ACAP2: variants seen among roughly 807,000 people sequenced by gnomAD.
The protein encoded by ACAP2 is arf-GAP with coiled-coil, ANK repeat and PH domain-containing protein 2.
In ACAP2, 39 loss-of-function variants were observed where a neutral mutation model predicts 115.8. That is an observed-to-expected ratio of 0.34 (90% CI 0.26 to 0.44). The LOEUF (loss-of-function observed/expected upper bound fraction) is 0.44. Ranked by LOEUF, ACAP2 falls within the 20% of genes least tolerant of loss-of-function variation. ACAP2 has a pLI of 1.00. For synonymous variants in ACAP2, 289 were observed against 315.8 expected, an observed-to-expected ratio of 0.92 and a Z score of 0.90; for missense variants, 662 against 927.6, an observed-to-expected ratio of 0.71 and a Z score of 3.72.
In ACAP2 at chr3:195,377,892, G is replaced by T. The variant is rs556644068; in HGVS notation, c.285+3117C>A. 1.1e-4 allele frequency among the ~76,000 whole-genome samples: 17 copies of T among 152,280 alleles called. No homozygotes were observed. In the South Asian group the frequency reaches 2.5e-3, roughly 22 times the overall value. On this transcript the variant is annotated intron_variant, in intron 4 of 22. Transcript: ENST00000326793. ...GTTCTTCATGTATAGAAACATGTAC[G>T]TAAACACAAACAAGCTGACCAACAT...
intron 20 of ACAP2, among the ~76,000 whole-genome samples, chr3:195,290,339 C>G (rs1560204570): frequency 2.6e-5 from 4 of 151,868 alleles, no homozygotes; most frequent in Admixed American, 2.6e-4. Context: ...TGAACAGTCA[C>G]CACACTCCAA....
intron 1 of ACAP2, among the ~76,000 whole-genome samples, chr3:195,439,931 A>G (rs1271665571): frequency 6.6e-6 from 1 of 152,164 alleles, no homozygotes; most frequent in Non-Finnish European, 1.5e-5. Context: ...TCAGCCCAAG[A>G]GTATGTTTAA....
At position 195,275,921 on chromosome 3, in the gene ACAP2, T is replaced by A. The variant is rs753189836; in HGVS notation, c.*3407A>T. ...AAAAGGGTAGTGACGACTAGTCCAG[T>A]GCTCCTTCCACCGTATCATGCGGTT... is the stretch of plus-strand genomic sequence containing the variant. On this transcript the variant is annotated 3_prime_UTR_variant, in exon 23 of 23. Transcript: ENST00000326793. The A allele has an allele frequency of 1.3e-5, 2 of 152,592 alleles. No homozygotes were observed. Among genetic ancestry groups the A allele is most frequent in the Non-Finnish European group, 2.9e-5 (2 of 68,022 alleles). The allele number at this position is 152,592 out of a possible 1,614,324, so 9.5% of individuals were successfully genotyped here.
At chr3:195,295,506 A>T (rs1352055627) in intron 17 of ACAP2, 1 of 651,032 alleles carries the variant, frequency 1.5e-6, no homozygotes, top group Non-Finnish European at 2.6e-6. Context: ...GAATATACAC[A>T]TTACCTAGAA....
At chr3:195,423,781 C>T (rs1420797779) in intron 1 of ACAP2, among the ~76,000 whole-genome samples, 1 of 151,942 alleles carries the variant, frequency 6.6e-6, no homozygotes, top group East Asian at 1.9e-4. Context: ...TTTATTTACA[C>T]ACACTGAAAT....
At chr3:195,351,399 G>T (rs913141562) in intron 4 of ACAP2, among the ~76,000 whole-genome samples, 1 of 151,726 alleles carries the variant, frequency 6.6e-6, no homozygotes, top group African/African-American at 2.4e-5. Flanking sequence ...TTACAGGCGT[G>T]AGTCACCACG....
intron 1 of ACAP2, among the ~76,000 whole-genome samples, chr3:195,424,244 G>GTGTGTGT (rs1553872445): frequency 0.045 from 2,996 of 67,218 alleles, 155 homozygotes; most frequent in East Asian, 0.18. Context: ...GTGTGTGTGT[G>GTGTGTGT]GTGTGTGTGT....
At position 195,339,080 on chromosome 3, in the gene ACAP2, A is replaced by G. The variant is rs531363325; in HGVS notation, c.529-2104T>C. On this transcript the variant is annotated intron_variant, in intron 6 of 22. Transcript: ENST00000326793. ...ACCCCATCTCTACTAAAAATACAAA[A>G]ATTAGCCAGGCATGGTGGTGGGCGC... Among the ~76,000 whole-genome samples, 12 of 152,156 alleles carry G rather than the reference A, an allele frequency of 7.9e-5. No homozygotes were observed. In the South Asian group the frequency reaches 8.3e-4, roughly 11 times the overall value.
At chr3:195,397,840 T>C (rs1341888235) in intron 1 of ACAP2, among the ~76,000 whole-genome samples, 1 of 152,190 alleles carries the variant, frequency 6.6e-6, no homozygotes, top group Non-Finnish European at 1.5e-5. Context: ...CTTTTTGTTT[T>C]CATGTTATGG....
intron 4 of ACAP2, among the ~76,000 whole-genome samples, chr3:195,350,480 T>A (rs1013687364): frequency 9.2e-5 from 14 of 151,490 alleles, no homozygotes; most frequent in African/African-American, 3.4e-4. Context: ...GACCCCCCAA[T>A]CTCGACAAAA....
chr3:195,371,073 T>G (rs1035491107), intron 4 of ACAP2, among the ~76,000 whole-genome samples: 1 of 152,226 alleles, frequency 6.6e-6, no homozygotes, highest in African/African-American at 2.4e-5. Flanking sequence ...TATAAATTTT[T>G]TAAGGTTTTT....
intron 4 of ACAP2, among the ~76,000 whole-genome samples, chr3:195,373,383 A>G (rs575798034): frequency 1.3e-5 from 2 of 151,378 alleles, no homozygotes; most frequent in African/African-American, 4.8e-5. Context: ...AGACTATTTA[A>G]ACATTTAGTA....
chr3:195,302,848 G>C (rs1234537175), intron 13 of ACAP2, among the ~76,000 whole-genome samples: 1 of 152,176 alleles, frequency 6.6e-6, no homozygotes, highest in African/African-American at 2.4e-5. Context: ...ACTTTAGGAA[G>C]CTGAAGCGGG....
At chr3:195,362,447 A>T (rs917953008) in intron 4 of ACAP2, among the ~76,000 whole-genome samples, 2 of 152,186 alleles carry the variant, frequency 1.3e-5, no homozygotes, top group Non-Finnish European at 2.9e-5. Flanking sequence ...AAAATAGCAA[A>T]GGAGGGAATA....
chr3:195,327,933 C>A lies in ACAP2; in HGVS notation c.670-974G>T, dbSNP rs536605657. Among the ~76,000 whole-genome samples the A allele has an allele frequency of 7.9e-5, 12 of 151,266 alleles. 1 individual carries two copies. The South Asian group carries it at 2.3e-3, about 29-fold the overall frequency. ...GTGACAGTGCAAGACTCCATCAGCC[C>A]TCCACCAAAAAAAAATATATATATA... On this transcript the variant is annotated intron_variant, in intron 8 of 22. Transcript: ENST00000326793.
At chr3:195,308,710 T>C (rs1728570307) in intron 11 of ACAP2, 76 bp downstream of exon 11, 25 of 1,208,678 alleles carry the variant, frequency 2.1e-5, no homozygotes, top group South Asian at 7.9e-5. Context: ...TGAGTATGTA[T>C]AGACTTCAAT....
intron 7 of ACAP2, among the ~76,000 whole-genome samples, chr3:195,335,400 T>C (rs991216958): frequency 2.0e-5 from 3 of 152,116 alleles, no homozygotes; most frequent in Non-Finnish European, 2.9e-5. Context: ...AAAAGAAAGT[T>C]ATAAAATAGT....
chr3:195,420,630 A>G (rs1714112316), intron 1 of ACAP2, among the ~76,000 whole-genome samples: 1 of 150,000 alleles, frequency 6.7e-6, no homozygotes, highest in Admixed American at 6.7e-5. Context: ...GGCGTGAGCC[A>G]CTGCGCCCGG....
intron 1 of ACAP2, among the ~76,000 whole-genome samples, chr3:195,424,428 G>A (rs1369712710): frequency 2.7e-5 from 4 of 150,084 alleles, no homozygotes; most frequent in African/African-American, 7.4e-5. Context: ...CCAAGTAGCT[G>A]GGATTACAGG....
Sources: gnomAD v4.1 joint callset for allele counts (sites outside exome capture counted in the v4.1 genomes callset) on GRCh38, gnomAD v4.1.1 for gene constraint, MANE v1.5 for transcripts, NCBI Gene and HGNC (gene_info 2026-07-23, HGNC 2026-07-21) for gene names.